The following ECH1 variants were observed in gnomAD, a reference collection of about 807,000 sequenced individuals.
The protein encoded by ECH1 is delta(3,5)-Delta(2,4)-dienoyl-CoA isomerase, mitochondrial.
Under a neutral mutation model 37.0 loss-of-function variants are expected in ECH1, and 30 were observed. The observed-to-expected ratio is 0.81, with a 90% CI of 0.61 to 1.10. The LOEUF is 1.10. Ranked by LOEUF, ECH1 falls within the 50% of genes least tolerant of loss-of-function variation. ECH1 has a pLI of 0.00. For missense variants in ECH1, 456 were observed against 441.6 expected (o/e 1.03, Z -0.29); for synonymous variants, 178 against 176.0 (o/e 1.01, Z -0.09).
intron 3 of ECH1, among the ~76,000 whole-genome samples, chr19:38,818,901 C>CTGTGTG (rs761871749): frequency 0.22 from 29,763 of 133,372 alleles, 3,709 homozygotes; most frequent in Middle Eastern, 0.3. Context: ...GCCTCCAACT[C>CTGTGTG]TGTGTGTGTG....
chr19:38,827,789 C>A (rs1340233883), intron 3 of ECH1, among the ~76,000 whole-genome samples: 1 of 152,136 alleles, frequency 6.6e-6, no homozygotes, highest in Non-Finnish European at 1.5e-5. Context: ...ACCTCAGCCT[C>A]CAGAGTAGCT....
chr19:38,826,061 G>A (rs779293836), intron 3 of ECH1, among the ~76,000 whole-genome samples: 1 of 152,180 alleles, frequency 6.6e-6, no homozygotes, highest in Non-Finnish European at 1.5e-5. Context: ...GTTACCATCC[G>A]ATGAATCCTG....
chr19:38,815,932 G>A lies in ECH1; in HGVS notation c.807C>T (p.Pro269=), dbSNP rs1474408128. Residue 269 remains proline, a synonymous_variant, in exon 9 of 10, where the codon CCC becomes CCT. Transcript: ENST00000221418. ...TGACCTTGGTGCTCTGCACCGCCACGGGGCTCTTGCTGGAAATCTCGGCCG... is the reference window on the plus strand; with the variant it reads ...TGACCTTGGTGCTCTGCACCGCCACAGGGCTCTTGCTGGAAATCTCGGCCG... ...ALAAEISSKS[P]VAVQSTKVNL... is the part of the protein sequence containing the mutation. 6 of 1,614,156 alleles carry A rather than the reference G, an allele frequency of 3.7e-6. No individual in the cohort carries two copies. The highest frequency in any genetic ancestry group is 1.7e-4 in the Middle Eastern group (1 of 6,058).
chr19:38,817,042 A>G (rs770519269), intron 6 of ECH1, 23 bp downstream of exon 6: 2 of 1,559,646 alleles, frequency 1.3e-6, no homozygotes, highest in East Asian at 4.8e-5. Context: ...AGCTCTAAGC[A>G]GGAGCTCGGG....
chr19:38,816,427 C>T (rs1322944761), intron 7 of ECH1, 26 bp downstream of exon 7: 1 of 1,613,992 alleles, frequency 6.2e-7, no homozygotes, highest in East Asian at 2.2e-5. Flanking sequence ...GTCTCCTGCC[C>T]ACACCCCCAC....
chr19:38,817,665 G>A (rs922037425), intron 3 of ECH1, 90 bp from the exon 4 acceptor site: 8 of 1,461,686 alleles, frequency 5.5e-6, no homozygotes, highest in African/African-American at 1.4e-5. Flanking sequence ...CAGCAGGTTC[G>A]AACCCCCAAA....
intron 3 of ECH1, among the ~76,000 whole-genome samples, chr19:38,822,319 T>A (rs536177501): frequency 6.6e-6 from 1 of 152,058 alleles, no homozygotes; most frequent in Admixed American, 6.5e-5. Context: ...ATCAGCACTC[T>A]GTATCTAGCT....
At chr19:38,827,781 C>A (rs1971760215) in intron 3 of ECH1, among the ~76,000 whole-genome samples, 1 of 152,194 alleles carries the variant, frequency 6.6e-6, no homozygotes, top group Admixed American at 6.5e-5. Context: ...ATCCTCCCAC[C>A]TCAGCCTCCA....
At chr19:38,820,088 T>A in intron 3 of ECH1, 1 of 513,682 alleles carries the variant, frequency 1.9e-6, no homozygotes, top group Non-Finnish European at 2.4e-6. Context: ...TGAGATGTAG[T>A]CTCACTCTAT....
rs1486153839 is a variant in ECH1 at position 38,815,598 on chromosome 19, G to C, written c.*15C>G. 3.1e-6 allele frequency: 5 copies of C among 1,613,604 alleles called. No individual in the cohort carries two copies. In the South Asian group the frequency reaches 5.5e-5, roughly 18 times the overall value. ...AAGGCCGGCCCCCTGGCTGGGGCCT[G>C]GGACGCGAGGGCTCTCAGAGCTTGG... On this transcript the variant is annotated 3_prime_UTR_variant, in exon 10 of 10. Coordinates refer to ENST00000221418, the MANE Select transcript of ECH1 (RefSeq NM_001398.3).
At chr19:38,824,134 C>T (rs1971704465) in intron 3 of ECH1, among the ~76,000 whole-genome samples, 1 of 152,182 alleles carries the variant, frequency 6.6e-6, no homozygotes, top group Non-Finnish European at 1.5e-5. Context: ...GAGATCCCTT[C>T]CCTCCCTCAG....
chr19:38,830,943 A>C, intron 3 of ECH1, 135 bp downstream of exon 3: 1 of 756,106 alleles, frequency 1.3e-6, no homozygotes, highest in Non-Finnish European at 2.1e-6. Context: ...CAACAGAGCA[A>C]GACCCCGTCT....
rs142809642 is a variant in ECH1 at position 38,815,647 on chromosome 19, T to C, written c.953A>G (p.Lys318Arg). ...GGAGAAGGTGACGGTTTTCAGTTCC[T>C]TGTTCTCAGTCGTGGCCTGGACCGA... ...VKSVQATTEN[K>R]ELKTVTFSKL The change falls in exon 10 of 10, where the codon AAG becomes AGG. Residue 318 changes from lysine (K) to arginine (R), a missense_variant. Coordinates refer to ENST00000221418, the MANE Select transcript of ECH1 (RefSeq NM_001398.3). 9 of 1,614,108 alleles carry C rather than the reference T, an allele frequency of 5.6e-6. No individual in the cohort carries two copies. In the African/African-American group the frequency reaches 9.3e-5, roughly 17 times the overall value.
chr19:38,821,547 G>GC, intron 3 of ECH1, among the ~76,000 whole-genome samples: 1 of 152,320 alleles, frequency 6.6e-6, no homozygotes, highest in East Asian at 1.9e-4. Flanking sequence ...TCCGGCCAGC[G>GC]CAAGTTCCGG....
intron 3 of ECH1, among the ~76,000 whole-genome samples, chr19:38,828,520 C>T (rs1021015137): frequency 6.6e-6 from 1 of 152,190 alleles, no homozygotes; most frequent in African/African-American, 2.4e-5. Flanking sequence ...GCATGAGCCA[C>T]TGAGCCCAGC....
rs751375274 is a variant in ECH1 at position 38,831,261 on chromosome 19, AG to A, written c.260+47del. 4.4e-6 allele frequency: 7 copies of A among 1,607,510 alleles called. No homozygotes were observed. The East Asian group carries it at 1.3e-4, about 31-fold the overall frequency. Reference sequence around the variant, plus strand: ...ACGTTCCACTTTCACCCAGTCCCGCAGCCCCGCCTCCCCCCGCAGGCAGGCC... The same window carrying A: ...ACGTTCCACTTTCACCCAGTCCCGCACCCCGCCTCCCCCCGCAGGCAGGCC... On this transcript the variant is annotated intron_variant, in intron 2 of 9. Coordinates refer to ENST00000221418, the MANE Select transcript of ECH1 (RefSeq NM_001398.3).
chr19:38,823,391 C>T (rs1012540674), intron 3 of ECH1, among the ~76,000 whole-genome samples: 13 of 152,194 alleles, frequency 8.5e-5, no homozygotes, highest in African/African-American at 2.9e-4. Context: ...TCACCTATCG[C>T]CAAGCAGTGA....
intron 3 of ECH1, among the ~76,000 whole-genome samples, chr19:38,821,982 A>G (rs1014810096): frequency 6.6e-6 from 1 of 152,266 alleles, no homozygotes; most frequent in Non-Finnish European, 1.5e-5. Flanking sequence ...GGGACTGTAA[A>G]TGCACCAATC....
intron 3 of ECH1, among the ~76,000 whole-genome samples, chr19:38,826,662 C>T (rs1971743149): frequency 1.3e-5 from 2 of 152,288 alleles, no homozygotes; most frequent in South Asian, 4.1e-4. Context: ...TCTGTATTCC[C>T]CTACACTCTG....
Sources: gnomAD v4.1 joint callset for allele counts (sites outside exome capture counted in the v4.1 genomes callset) on GRCh38, gnomAD v4.1.1 for gene constraint, MANE v1.5 for transcripts, NCBI Gene and HGNC (gene_info 2026-07-23, HGNC 2026-07-21) for gene names.